ALK: variants seen among roughly 807,000 people sequenced by gnomAD.
ALK encodes the protein ALK tyrosine kinase receptor.
Under a neutral mutation model 163.1 loss-of-function variants are expected in ALK, and 74 were observed. The observed-to-expected ratio is 0.45, with a 90% CI of 0.38 to 0.55. The LOEUF (loss-of-function observed/expected upper bound fraction) is 0.55, where lower values mean the gene tolerates loss of function less well. Ranked by LOEUF, ALK falls within the 20% of genes least tolerant of loss-of-function variation. ALK has a pLI of 0.00. For synonymous variants in ALK, 960 were observed against 843.2 expected (o/e 1.14, Z -2.40); for missense variants, 2,063 against 2,105.3 (o/e 0.98, Z 0.39).
intron 1 of ALK, among the ~76,000 whole-genome samples, chr2:29,727,664 G>A (rs1190954788): frequency 6.6e-6 from 1 of 152,176 alleles, no homozygotes; most frequent in East Asian, 1.9e-4. Flanking sequence ...AGGGGTATTG[G>A]CATGATGCTA....
intron 4 of ALK, among the ~76,000 whole-genome samples, chr2:29,412,927 CT>C (rs1669766241): frequency 6.6e-6 from 1 of 152,202 alleles, no homozygotes; most frequent in Non-Finnish European, 1.5e-5. Context: ...TGTTTGTCTC[CT>C]TGCCTTCAAT....
chr2:29,433,350 G>A (rs1020096703), intron 4 of ALK, among the ~76,000 whole-genome samples: 5 of 152,132 alleles, frequency 3.3e-5, no homozygotes, highest in Admixed American at 6.5e-5. Context: ...CAGACAAGAC[G>A]GATGTTGACC....
intron 3 of ALK, among the ~76,000 whole-genome samples, chr2:29,658,905 G>T (rs1231575223): frequency 2.0e-5 from 3 of 152,084 alleles, no homozygotes; most frequent in African/African-American, 7.2e-5. Flanking sequence ...TACTGTTTGG[G>T]TGCTGTGATT....
chr2:29,371,386 G>A (rs560024495), intron 5 of ALK, among the ~76,000 whole-genome samples: 10 of 152,334 alleles, frequency 6.6e-5, no homozygotes, highest in South Asian at 6.2e-4. Flanking sequence ...CCTGCACAAA[G>A]CCCTTCACTC....
At chr2:29,574,050 C>T (rs1008211172) in intron 3 of ALK, among the ~76,000 whole-genome samples, 5 of 103,008 alleles carry the variant, frequency 4.9e-5, no homozygotes, top group African/African-American at 6.9e-5. Context: ...GCCAGAACCC[C>T]CTATCTGAAA....
At chr2:29,899,148 C>A (rs1667345777) in intron 1 of ALK, among the ~76,000 whole-genome samples, 1 of 152,122 alleles carries the variant, frequency 6.6e-6, no homozygotes, top group African/African-American at 2.4e-5. Context: ...GGGATGGGGC[C>A]CAGCAATGCC....
At chr2:29,573,562 C>A (rs1451005485) in intron 3 of ALK, among the ~76,000 whole-genome samples, 1 of 152,202 alleles carries the variant, frequency 6.6e-6, no homozygotes, top group Non-Finnish European at 1.5e-5. Flanking sequence ...ATATGAAATT[C>A]AAACTTCAGT....
At chr2:29,528,805 C>G (rs530414215) in intron 4 of ALK, among the ~76,000 whole-genome samples, 139 of 152,290 alleles carry the variant, frequency 9.1e-4, no homozygotes, top group African/African-American at 3.2e-3. Flanking sequence ...CCACTAATTT[C>G]TAGCTAAGAT....
At chr2:29,233,526 C>T (rs1164322561) in intron 14 of ALK, 39 bp downstream of exon 14, 1 of 1,613,932 alleles carries the variant, frequency 6.2e-7, no homozygotes, top group South Asian at 1.1e-5. Flanking sequence ...ATTGCAGATG[C>T]ACAGGAACCT....
intron 7 of ALK, among the ~76,000 whole-genome samples, chr2:29,319,692 C>A (rs1336816095): frequency 2.6e-5 from 4 of 152,174 alleles, no homozygotes; most frequent in African/African-American, 9.7e-5. Context: ...GGCGGTATTC[C>A]GCAGGGCTGG....
At chr2:29,700,345 G>A (rs1678696233) in intron 2 of ALK, among the ~76,000 whole-genome samples, 2 of 152,300 alleles carry the variant, frequency 1.3e-5, no homozygotes, top group South Asian at 4.1e-4. Context: ...GGGAGTTGGA[G>A]ATCAGCCTGA....
intron 12 of ALK, among the ~76,000 whole-genome samples, chr2:29,247,175 G>C (rs1046594817): frequency 7.9e-5 from 12 of 150,950 alleles, no homozygotes; most frequent in Non-Finnish European, 1.6e-4. Flanking sequence ...CCTTTCCCCC[G>C]GCCTCCGCGG....
At chr2:29,811,394 G>A (rs1010285281) in intron 1 of ALK, among the ~76,000 whole-genome samples, 1 of 152,198 alleles carries the variant, frequency 6.6e-6, no homozygotes, top group Non-Finnish European at 1.5e-5. Context: ...TTTACAAACA[G>A]TATTTACATT....
intron 26 of ALK, 103 bp downstream of exon 26, chr2:29,207,068 T>A: frequency 1.2e-6 from 1 of 859,176 alleles, no homozygotes; most frequent in East Asian, 2.4e-5. Flanking sequence ...CTCTTTTCCC[T>A]CCCTACTAAC....
intron 22 of ALK, chr2:29,221,182 T>A (rs931034287): frequency 1.8e-6 from 1 of 547,186 alleles, no homozygotes. Flanking sequence ...ATGGTCGATT[T>A]CTCCCAGGAA....
intron 4 of ALK, among the ~76,000 whole-genome samples, chr2:29,468,457 A>C (rs1455562434): frequency 1.3e-5 from 2 of 152,190 alleles, no homozygotes; most frequent in Non-Finnish European, 2.9e-5. Flanking sequence ...GGAGATACAG[A>C]TTTGAAGAAT....
At chr2:29,267,068 G>A (rs910039647) in intron 11 of ALK, among the ~76,000 whole-genome samples, 1 of 151,950 alleles carries the variant, frequency 6.6e-6, no homozygotes, top group African/African-American at 2.4e-5. Flanking sequence ...TATAATTTCT[G>A]TATTACTAGA....
chr2:29,544,330 T>C (rs1036412328), intron 3 of ALK, among the ~76,000 whole-genome samples: 2 of 152,184 alleles, frequency 1.3e-5, no homozygotes, highest in African/African-American at 4.8e-5. Context: ...GTCTGGGGAC[T>C]CCTGGGTACA....
intron 9 of ALK, among the ~76,000 whole-genome samples, chr2:29,293,192 T>C (rs1267462916): frequency 6.6e-6 from 1 of 152,258 alleles, no homozygotes; most frequent in Non-Finnish European, 1.5e-5. Context: ...AAAGCAATCA[T>C]ATCTGTTTTG....
Sources: allele counts gnomAD v4.1 joint callset (sites outside exome capture counted in the v4.1 genomes callset), GRCh38; gene constraint gnomAD v4.1.1; transcripts MANE v1.5; gene names NCBI Gene and HGNC (gene_info 2026-07-23, HGNC 2026-07-21).